The following MYRIP variants were observed in gnomAD, a reference collection of about 807,000 sequenced individuals.
MYRIP encodes the protein myosin VIIA and Rab interacting protein, also known as rab effector MyRIP.
A neutral mutation model predicts 98.0 loss-of-function variants in MYRIP; 49 were observed. The observed-to-expected ratio is 0.50, with a 90% confidence interval of 0.40 to 0.63. The LOEUF (loss-of-function observed/expected upper bound fraction) is 0.63, where lower values mean the gene tolerates loss of function less well. Ranked by LOEUF, MYRIP falls within the 30% of genes least tolerant of loss-of-function variation. The pLI, the probability that MYRIP is intolerant of heterozygous loss-of-function variation, is 0.00. For missense variants in MYRIP, 1,004 were observed against 1,058.2 expected (o/e 0.95, Z 0.71); for synonymous variants, 404 against 409.5 (o/e 0.99, Z 0.16).
At chr3:40,199,667 G>A (rs976201670) in intron 10 of MYRIP, among the ~76,000 whole-genome samples, 14 of 152,168 alleles carry the variant, frequency 9.2e-5, no homozygotes, top group Non-Finnish European at 2.1e-4. Context: ...CCCGTACACA[G>A]ACGAAAGGGT....
intron 11 of MYRIP, among the ~76,000 whole-genome samples, chr3:40,226,854 CCA>C (rs919553944): frequency 4.6e-5 from 7 of 152,166 alleles, no homozygotes. Context: ...AGTACAAACC[CCA>C]GACTCCTGAG....
At chr3:39,911,507 C>T (rs564690450) in intron 2 of MYRIP, among the ~76,000 whole-genome samples, 1 of 152,194 alleles carries the variant, frequency 6.6e-6, no homozygotes, top group African/African-American at 2.4e-5. Context: ...CCTGATAAAG[C>T]TTTTGTGGCC....
In MYRIP at chr3:40,063,675, G is replaced by A. The variant is rs149455183; in HGVS notation, c.332+19404G>A. 1.0e-3 allele frequency among the ~76,000 whole-genome samples: 158 copies of A among 152,198 alleles called. 5 individuals carry two copies. In the East Asian group the frequency reaches 0.029, roughly 28 times the overall value. ...ATAGCTTACATGACAGTTATGTTGG[G>A]GGAACAAACCAGGTGGGAATTTTGA... On this transcript the variant is annotated intron_variant, in intron 3 of 16. Coordinates refer to ENST00000302541, the MANE Select transcript of MYRIP (RefSeq NM_015460.4).
intron 2 of MYRIP, among the ~76,000 whole-genome samples, chr3:39,957,108 A>G (rs1945185958): frequency 2.0e-5 from 3 of 151,850 alleles, no homozygotes; most frequent in East Asian, 1.9e-4. Flanking sequence ...GTACAAAGAG[A>G]AGCTGGTACC....
intron 10 of MYRIP, among the ~76,000 whole-genome samples, chr3:40,199,344 G>A (rs1023024859): frequency 6.6e-6 from 1 of 152,150 alleles, no homozygotes; most frequent in Non-Finnish European, 1.5e-5. Flanking sequence ...CTGATGAGGG[G>A]CCAAAATGCA....
intron 11 of MYRIP, among the ~76,000 whole-genome samples, chr3:40,232,339 T>C (rs1952687875): frequency 6.6e-6 from 1 of 152,228 alleles, no homozygotes; most frequent in East Asian, 1.9e-4. Flanking sequence ...AGTCAGCTTC[T>C]GGACTGCAGA....
chr3:40,190,983 C>T (rs948810365), intron 10 of MYRIP, among the ~76,000 whole-genome samples: 8 of 152,288 alleles, frequency 5.3e-5, no homozygotes, highest in African/African-American at 1.7e-4. Flanking sequence ...AAAAGGTGTT[C>T]ATGACAAGTG....
intron 2 of MYRIP, among the ~76,000 whole-genome samples, chr3:40,024,077 T>C (rs764552825): frequency 2.0e-5 from 3 of 152,170 alleles, no homozygotes. Flanking sequence ...TACTCGCTCT[T>C]GTCAAGGACA....
intron 2 of MYRIP, among the ~76,000 whole-genome samples, chr3:40,020,208 T>C (rs1046526198): frequency 7.9e-5 from 12 of 152,310 alleles, no homozygotes; most frequent in Admixed American, 2.6e-4. Context: ...GTGCTCAATG[T>C]TTACCTCCCA....
At chr3:39,985,251 G>A (rs1385170154) in intron 2 of MYRIP, among the ~76,000 whole-genome samples, 2 of 145,164 alleles carry the variant, frequency 1.4e-5, no homozygotes, top group Admixed American at 7.0e-5. Flanking sequence ...AACTTACAAG[G>A]GACGTGAAGG....
chr3:39,915,888 AATTT>A (rs1273072034), intron 2 of MYRIP, among the ~76,000 whole-genome samples: 1 of 151,928 alleles, frequency 6.6e-6, no homozygotes, highest in African/African-American at 2.4e-5. Flanking sequence ...GTTCCCATTA[AATTT>A]ATTTCTTTTC....
In MYRIP at chr3:39,844,648, C is replaced by T. The variant is rs547534437; in HGVS notation, c.-31+34732C>T. Among the ~76,000 whole-genome samples the T allele has an allele frequency of 1.3e-4, 20 of 152,280 alleles. 1 individual carries two copies. The South Asian group carries it at 4.1e-3, about 32-fold the overall frequency. ...GCATGAGAAGAAGCAGAAATCTAGG[C>T]CACATGGTCACTTTATGTCCATAGT... On this transcript the variant is annotated intron_variant, in intron 1 of 16. Coordinates refer to ENST00000302541, the MANE Select transcript of MYRIP (RefSeq NM_015460.4).
At chr3:40,200,131 T>TTTTTTTTTTTTTTTTTTTTTTTTGAG (rs1553626079) in intron 10 of MYRIP, among the ~76,000 whole-genome samples, 1 of 149,660 alleles carries the variant, frequency 6.7e-6, no homozygotes, top group Non-Finnish European at 1.5e-5. Context: ...ATTTTCTTTT[T>TTTTTTTTTTTTTTTTTTTTTTTTGAG]ATCATAGGCC....
At chr3:40,200,086 A>C (rs1951510111) in intron 10 of MYRIP, among the ~76,000 whole-genome samples, 1 of 98,688 alleles carries the variant, frequency 1.0e-5, no homozygotes, top group Admixed American at 1.1e-4. Flanking sequence ...CATGTCTAGA[A>C]AATGAGACAT....
In MYRIP at chr3:40,258,385, G is replaced by A. The variant is rs764358967; in HGVS notation, c.*219G>A. The stretch of plus-strand genomic sequence containing the variant: ...CCCACTCTCTGCCTTAGGCTCCCAG[G>A]GGAATCCAAGACAGAAAATGAAGAC... On this transcript the variant is annotated 3_prime_UTR_variant, in exon 17 of 17. Transcript: ENST00000302541. The A allele has an allele frequency of 4.0e-6, 2 of 503,864 alleles. No individual in the cohort carries two copies. Among genetic ancestry groups the A allele is most frequent in the Non-Finnish European group, 7.1e-6 (2 of 279,892 alleles). The allele number at this position is 503,864 out of a possible 1,614,324, so 31.2% of individuals were successfully genotyped here.
At chr3:39,928,293 T>TAGA (rs34802732) in intron 2 of MYRIP, among the ~76,000 whole-genome samples, 55,736 of 151,048 alleles carry the variant, frequency 0.37, 10,574 homozygotes, top group East Asian at 0.45. Flanking sequence ...GCAGAAAATA[T>TAGA]AGGAGGGACT....
intron 11 of MYRIP, among the ~76,000 whole-genome samples, chr3:40,220,719 T>C (rs1952310626): frequency 6.6e-6 from 1 of 152,052 alleles, no homozygotes; most frequent in African/African-American, 2.4e-5. Context: ...ACAGGAAGCA[T>C]GGCTGAAGAG....
intron 2 of MYRIP, among the ~76,000 whole-genome samples, chr3:39,993,717 T>C (rs1946236045): frequency 6.6e-6 from 1 of 152,180 alleles, no homozygotes; most frequent in Admixed American, 6.5e-5. Flanking sequence ...TGAACCTACT[T>C]CTCTGTCTTC....
chr3:40,219,799 G>A (rs1301670297), intron 11 of MYRIP, among the ~76,000 whole-genome samples: 1 of 151,818 alleles, frequency 6.6e-6, no homozygotes, highest in Admixed American at 6.6e-5. Context: ...AAACATATGT[G>A]TGCATGTGTC....
Sources: gnomAD v4.1 joint callset for allele counts (sites outside exome capture counted in the v4.1 genomes callset) on GRCh38, gnomAD v4.1.1 for gene constraint, MANE v1.5 for transcripts, NCBI Gene and HGNC (gene_info 2026-07-23, HGNC 2026-07-21) for gene names.